The following PAIP1 variants were observed in gnomAD, a reference collection of about 807,000 sequenced individuals.
The protein encoded by PAIP1 is poly(A) binding protein interacting protein 1.
PAIP1 carries 16 observed loss-of-function variants against 61.3 expected under a neutral mutation model. The observed-to-expected ratio is 0.26, with a 90% CI of 0.18 to 0.40. The LOEUF (loss-of-function observed/expected upper bound fraction) is 0.40. Among genes scored for constraint, PAIP1 ranks in the 10% least tolerant of loss-of-function variants. The pLI is 1.00. For synonymous variants in PAIP1, 187 were observed against 226.2 expected (o/e 0.83, Z 1.56); for missense variants, 416 against 600.9 (o/e 0.69, Z 3.22).
At chr5:43,550,837 C>CAAAAAAAAAAAAAAAAAAAAAAAAAAAAA (rs373730839) in intron 2 of PAIP1, among the ~76,000 whole-genome samples, 4 of 49,564 alleles carry the variant, frequency 8.1e-5, no homozygotes, top group Non-Finnish European at 1.3e-4. Flanking sequence ...AAATATACTA[C>CAAAAAAAAAAAAAAAAAAAAAAAAAAAAA]AAAAAAAAAA....
intron 2 of PAIP1, among the ~76,000 whole-genome samples, chr5:43,554,290 C>G (rs1046473100): frequency 5.3e-5 from 8 of 152,210 alleles, no homozygotes; most frequent in Admixed American, 3.3e-4. Context: ...CTGCTTGTAG[C>G]TGCTAGAACA....
intron 3 of PAIP1, among the ~76,000 whole-genome samples, chr5:43,545,370 C>T (rs904597931): frequency 6.6e-6 from 1 of 152,180 alleles, no homozygotes; most frequent in Non-Finnish European, 1.5e-5. Context: ...ATGTCTTCAT[C>T]CGTGGCATAA....
chr5:43,532,256 T>G (rs1746974260), intron 9 of PAIP1, among the ~76,000 whole-genome samples: 1 of 152,204 alleles, frequency 6.6e-6, no homozygotes, highest in South Asian at 2.1e-4. Context: ...AGGAAAGATT[T>G]GTCTTACCAG....
intron 10 of PAIP1, among the ~76,000 whole-genome samples, chr5:43,528,921 G>A (rs1746817986): frequency 6.6e-6 from 1 of 152,128 alleles, no homozygotes; most frequent in Non-Finnish European, 1.5e-5. Flanking sequence ...TGAGTAATAT[G>A]TTTAAAGGGA....
intron 2 of PAIP1, 118 bp from the exon 3 acceptor site, chr5:43,548,031 T>C: frequency 1.6e-6 from 1 of 608,814 alleles, no homozygotes; most frequent in South Asian, 2.5e-5. Flanking sequence ...AAAATTTATG[T>C]TCATCAATAA....
rs1748040524 is a variant in PAIP1, at chr5:43,555,904, C to A, written c.361G>T (p.Ala121Ser). 1.9e-6 allele frequency: 3 copies of A among 1,613,628 alleles called. No homozygotes were observed. The highest frequency in any genetic ancestry group is 2.5e-6 in the Non-Finnish European group (3 of 1,179,764). ...GACAGCTTAGACATTAATACAGGAG[C>A]TACAACCACCTGGGGCTTAGCCATT... ...SAMAKPQVVV[A>S]PVLMSKLSVN... is the part of the protein sequence containing the mutation. The change falls in exon 2 of 11, where the codon GCT (alanine) becomes TCT (serine). Residue 121 changes from alanine (A) to serine (S), a missense_variant. Ala to Ser is a moderately conservative substitution (Grantham distance 99). Coordinates refer to ENST00000306846, the MANE Select transcript of PAIP1 (RefSeq NM_006451.5).
At chr5:43,551,565 A>T (rs942480281) in intron 2 of PAIP1, among the ~76,000 whole-genome samples, 17 of 152,190 alleles carry the variant, frequency 1.1e-4, no homozygotes, top group African/African-American at 3.1e-4. Flanking sequence ...ACTAAAAACT[A>T]GTCTTAAGTT....
At position 43,556,842 on chromosome 5, in the gene PAIP1, G is replaced by A; in HGVS notation, c.5C>T (p.Ser2Leu). M[S>L]DGFDRAPGAG... ...ACCTGGGGCCCGATCGAAACCGTCCGACATGCTCCTCCTCCTCCGCCTCCT... is the reference window on the plus strand; with the variant it reads ...ACCTGGGGCCCGATCGAAACCGTCCAACATGCTCCTCCTCCTCCGCCTCCT... The change falls in exon 1 of 11, where the codon TCG (serine) becomes TTG (leucine). Residue 2 changes from serine (S) to leucine (L), a missense_variant. Physicochemically the swap from Ser to Leu is moderately radical, Grantham distance 145. Transcript: ENST00000306846. 1 of 1,438,854 alleles carries A rather than the reference G, an allele frequency of 6.9e-7. No individual in the cohort carries two copies. The highest frequency in any genetic ancestry group is 9.1e-7 in the Non-Finnish European group (1 of 1,098,014). 89.1% of individuals were successfully genotyped at this position (1,438,854 alleles called of 1,614,324 possible). A position where few individuals can be genotyped will look rare whatever the true frequency, so the allele number is the denominator to read the frequency against.
At chr5:43,550,945 A>C (rs1048561670) in intron 2 of PAIP1, among the ~76,000 whole-genome samples, 13 of 152,002 alleles carry the variant, frequency 8.6e-5, no homozygotes, top group Non-Finnish European at 1.6e-4. Context: ...CTAAGGAAAG[A>C]TATTCTCTTT....
intron 10 of PAIP1, among the ~76,000 whole-genome samples, chr5:43,527,933 G>A (rs927786661): frequency 1.3e-5 from 2 of 152,116 alleles, no homozygotes; most frequent in Admixed American, 6.5e-5. Flanking sequence ...TTTCTGCTGG[G>A]TTATTCCCAT....
intron 9 of PAIP1, among the ~76,000 whole-genome samples, chr5:43,532,650 C>A (rs1746986184): frequency 6.6e-6 from 1 of 152,124 alleles, no homozygotes; most frequent in Admixed American, 6.6e-5. Context: ...AAAGGTTCTA[C>A]ATGACATTAT....
intron 9 of PAIP1, among the ~76,000 whole-genome samples, chr5:43,533,437 TAA>T (rs2112382355): frequency 6.6e-6 from 1 of 152,346 alleles, no homozygotes; most frequent in Non-Finnish European, 1.5e-5. Flanking sequence ...CCTGAAAATT[TAA>T]GATTATAAAA....
Position 43,547,042 on chromosome 5 carries a change from C to CAAAAAAAAAA in PAIP1, c.621+676_621+685dup, listed in dbSNP as rs766493987. ...TGGGAGACAGGGCAAGACTCCATAT[C>CAAAAAAAAAA]AAAAAAAAAAAAAAAAAAAAAAAAA... On this transcript the variant is annotated intron_variant, in intron 3 of 10. Transcript: ENST00000306846. Among the ~76,000 whole-genome samples, 100 of 35,666 alleles carry CAAAAAAAAAA rather than the reference C, an allele frequency of 2.8e-3. 31 individuals carry two copies. Among genetic ancestry groups the CAAAAAAAAAA allele is most frequent in the African/African-American group, 7.8e-3 (57 of 7,308 alleles). The allele number at this position is 35,666 out of a possible 152,430, so 23.4% of individuals were successfully genotyped here.
Position 43,556,618 on chromosome 5 carries a change from T to C in PAIP1, c.229A>G (p.Ser77Gly). The change falls in exon 1 of 11, where the codon AGC becomes GGC. Residue 77 changes from serine (S) to glycine (G), a missense_variant. Coordinates refer to ENST00000306846, the MANE Select transcript of PAIP1 (RefSeq NM_006451.5). Reference sequence around the variant, plus strand: ...CCGGGCCGGGAAGGCCGCTGGGGGCTGGCGGGGACCTCGCACTGGGCCCCT... The same window carrying C: ...CCGGGCCGGGAAGGCCGCTGGGGGCCGGCGGGGACCTCGCACTGGGCCCCT... ...PPGAQCEVPA[S>G]PQRPSRPGAL... The C allele has an allele frequency of 8.0e-7, 1 of 1,257,034 alleles. No individual in the cohort carries two copies. The highest frequency in any genetic ancestry group is 3.6e-5 in the South Asian group (1 of 27,856). The allele number at this position is 1,257,034 out of a possible 1,614,324, so 77.9% of individuals were successfully genotyped here. A position where few individuals can be genotyped will look rare whatever the true frequency, so the allele number is the denominator to read the frequency against.
At chr5:43,539,626 C>G (rs903507391) in intron 4 of PAIP1, among the ~76,000 whole-genome samples, 1 of 152,160 alleles carries the variant, frequency 6.6e-6, no homozygotes, top group Non-Finnish European at 1.5e-5. Context: ...GACTTGTTTT[C>G]TATTTCCAAT....
intron 2 of PAIP1, 144 bp downstream of exon 2, chr5:43,555,682 CTTCT>C (rs1261116725): frequency 1.5e-5 from 9 of 585,644 alleles, no homozygotes; most frequent in South Asian, 2.9e-5. Flanking sequence ...GCTTTGTTTC[CTTCT>C]GAGTTCAATA....
chr5:43,533,694 T>C (rs1561228991), intron 9 of PAIP1, 44 bp downstream of exon 9: 1 of 1,278,858 alleles, frequency 7.8e-7, no homozygotes, highest in Non-Finnish European at 1.1e-6. Context: ...ATTTACTACT[T>C]TACCAAACAA....
chr5:43,534,815 A>G (rs551153231), intron 8 of PAIP1, 38 bp downstream of exon 8: 6 of 1,086,344 alleles, frequency 5.5e-6, no homozygotes, highest in South Asian at 2.5e-5. Flanking sequence ...ACGGAATTCA[A>G]GCAATAAGTA....
Position 43,543,788 on chromosome 5 carries a change from T to G in PAIP1, c.622-672A>C, listed in dbSNP as rs72758681. Among the ~76,000 whole-genome samples the G allele has an allele frequency of 3.5e-3, 538 of 151,994 alleles. 4 individuals carry two copies. The highest frequency in any genetic ancestry group is 6.6e-3 in the Non-Finnish European group (452 of 67,990). ...CAGCAAGTTTAACTTTAATTGCAAT[T>G]TCTAAAGAATAGTAGAGAACATAGT... On this transcript the variant is annotated intron_variant, in intron 3 of 10. Transcript: ENST00000306846.
Sources: gnomAD v4.1 joint callset for allele counts (sites outside exome capture counted in the v4.1 genomes callset) on GRCh38, gnomAD v4.1.1 for gene constraint, MANE v1.5 for transcripts, NCBI Gene and HGNC (gene_info 2026-07-23, HGNC 2026-07-21) for gene names.